The following MICU1 variants were observed in gnomAD, a reference collection of about 807,000 sequenced individuals.
The protein encoded by MICU1 is mitochondrial calcium uptake 1.
In MICU1, 45 loss-of-function variants were observed where a neutral mutation model predicts 56.8. The observed-to-expected ratio is 0.79, with a 90% CI of 0.62 to 1.02. The LOEUF (loss-of-function observed/expected upper bound fraction) is 1.02. MICU1 is among the 50% of genes least tolerant of loss of function. MICU1 has a pLI of 0.00. For missense variants in MICU1, 504 were observed against 587.1 expected, an observed-to-expected ratio of 0.86 and a Z score of 1.46; for synonymous variants, 186 against 195.1, an observed-to-expected ratio of 0.95 and a Z score of 0.39.
intron 6 of MICU1, among the ~76,000 whole-genome samples, chr10:72,484,946 C>T (rs1247136518): frequency 6.6e-6 from 1 of 152,122 alleles, no homozygotes; most frequent in Admixed American, 6.5e-5. Flanking sequence ...AACCTGCTAG[C>T]TAGCTATTTG....
intron 4 of MICU1, among the ~76,000 whole-genome samples, chr10:72,534,038 A>G (rs970725762): frequency 1.3e-5 from 2 of 152,114 alleles, no homozygotes; most frequent in African/African-American, 4.8e-5. Flanking sequence ...AACCTATTCA[A>G]CAGTAGAGTC....
chr10:72,599,430 T>C (rs1355786565), intron 1 of MICU1, among the ~76,000 whole-genome samples: 6 of 152,162 alleles, frequency 3.9e-5, no homozygotes, highest in Non-Finnish European at 7.4e-5. Flanking sequence ...CCCTGAACCA[T>C]GCAACTCCAT....
intron 1 of MICU1, among the ~76,000 whole-genome samples, chr10:72,601,965 AATTTTTGT>A (rs1004675992): frequency 6.6e-6 from 1 of 150,764 alleles, no homozygotes; most frequent in African/African-American, 2.4e-5. Context: ...ATGCCTGGCT[AATTTTTGT>A]ATTTTTGGTA....
At chr10:72,448,734 C>T (rs1031277185) in intron 8 of MICU1, among the ~76,000 whole-genome samples, 1 of 152,028 alleles carries the variant, frequency 6.6e-6, no homozygotes, top group African/African-American at 2.4e-5. Flanking sequence ...CACTGTATCA[C>T]TGTCATTCTC....
chr10:72,545,662 G>A (rs533767865), intron 4 of MICU1, among the ~76,000 whole-genome samples: 4 of 152,154 alleles, frequency 2.6e-5, no homozygotes, highest in African/African-American at 9.6e-5. Context: ...AGGGACAAAA[G>A]ATGGCAAATA....
In MICU1 at chr10:72,471,621, T is replaced by A. The variant is rs527265445; in HGVS notation, c.933+3479A>T. 3.9e-5 allele frequency among the ~76,000 whole-genome samples: 6 copies of A among 152,310 alleles called. No homozygotes were observed. In the East Asian group the frequency reaches 7.7e-4, roughly 20 times the overall value. On this transcript the variant is annotated intron_variant, in intron 8 of 11. Transcript: ENST00000361114. Reference sequence around the variant, plus strand: ...TTTCTTTGTTTGTTTTTGTTTTTGCTAAAAGTATTACCCTAGTTTGTGCTT... The same window carrying A: ...TTTCTTTGTTTGTTTTTGTTTTTGCAAAAAGTATTACCCTAGTTTGTGCTT...
chr10:72,529,514 T>C (rs1265838958), intron 5 of MICU1, among the ~76,000 whole-genome samples: 1 of 152,180 alleles, frequency 6.6e-6, no homozygotes, highest in East Asian at 1.9e-4. Context: ...AACAATTTCA[T>C]CTATACCAAG....
At chr10:72,407,762 G>A (rs1863676008) in intron 10 of MICU1, among the ~76,000 whole-genome samples, 167 bp downstream of exon 10, 1 of 152,046 alleles carries the variant, frequency 6.6e-6, no homozygotes. Context: ...CACTGAACTT[G>A]GCATCTCAGG....
intron 8 of MICU1, among the ~76,000 whole-genome samples, chr10:72,445,518 A>G (rs1589227148): frequency 6.6e-6 from 1 of 152,320 alleles, no homozygotes; most frequent in South Asian, 2.1e-4. Flanking sequence ...CCTTTCATTT[A>G]GTCTTCACTC....
chr10:72,617,996 T>C (rs902568891), intron 1 of MICU1, among the ~76,000 whole-genome samples: 28 of 152,182 alleles, frequency 1.8e-4, no homozygotes, highest in Admixed American at 1.8e-3. Flanking sequence ...TAAAACCCCA[T>C]CTCTACTAAA....
intron 5 of MICU1, chr10:72,531,823 AC>A (rs1259004455): frequency 1.4e-4 from 21 of 152,254 alleles, no homozygotes; most frequent in African/African-American, 4.8e-4. Flanking sequence ...TAACAAAAAA[AC>A]ATGGAAAACT....
intron 1 of MICU1, among the ~76,000 whole-genome samples, chr10:72,569,237 A>ATATATATATATATATTTTTTTTTTTT: frequency 2.9e-5 from 1 of 34,392 alleles, no homozygotes; most frequent in Non-Finnish European, 5.1e-5. Flanking sequence ...ATATATATAT[A>ATATATATATATATATTTTTTTTTTTT]TTTTTTTTTT....
intron 6 of MICU1, among the ~76,000 whole-genome samples, chr10:72,493,196 TAC>T (rs530440558): frequency 1.6e-4 from 24 of 150,826 alleles, no homozygotes; most frequent in African/African-American, 2.7e-4. Context: ...TACATGTGTA[TAC>T]ACACACACAC....
At chr10:72,509,369 T>A in intron 5 of MICU1, 1 of 1,334,616 alleles carries the variant, frequency 7.5e-7, no homozygotes, top group Non-Finnish European at 9.9e-7. Context: ...CACACCAGCA[T>A]CCAGTTACAC....
chr10:72,601,796 CTTTTTCT>C (rs1841543375), intron 1 of MICU1, among the ~76,000 whole-genome samples: 1 of 25,426 alleles, frequency 3.9e-5, no homozygotes, highest in Admixed American at 5.5e-4. Context: ...TTCTTTTTTT[CTTTTTCT>C]TTTTTTTTTT....
intron 4 of MICU1, among the ~76,000 whole-genome samples, chr10:72,545,399 C>T (rs866897931): frequency 4.6e-5 from 7 of 152,106 alleles, no homozygotes; most frequent in African/African-American, 1.2e-4. Context: ...CTTGGTTTTA[C>T]GTATTTTAGG....
chr10:72,584,956 T>C lies in MICU1; in HGVS notation c.-1-18162A>G, dbSNP rs151324065. 1.5e-3 allele frequency among the ~76,000 whole-genome samples: 228 copies of C among 152,122 alleles called. 2 individuals are homozygous for C. Among genetic ancestry groups the C allele is most frequent in the African/African-American group, 5.1e-3 (211 of 41,494 alleles). On this transcript the variant is annotated intron_variant, in intron 1 of 11. Transcript: ENST00000361114. ...CCAAAGGAAATTACAGCCAAGAAAG[T>C]ATTGACTTGCACAAGGAAAAGGTCA...
At chr10:72,383,649 C>G (rs1197807361) in intron 10 of MICU1, among the ~76,000 whole-genome samples, 4 of 152,042 alleles carry the variant, frequency 2.6e-5, no homozygotes, top group African/African-American at 9.7e-5. Flanking sequence ...GTACCTTTTC[C>G]CCTTCTCTTT....
intron 1 of MICU1, among the ~76,000 whole-genome samples, chr10:72,592,015 T>TC (rs1321532204): frequency 7.3e-6 from 1 of 136,878 alleles, no homozygotes; most frequent in African/African-American, 2.7e-5. Flanking sequence ...GGTTTTTTTG[T>TC]TTTTTTTTTT....
Sources: gnomAD v4.1 joint callset for allele counts (sites outside exome capture counted in the v4.1 genomes callset) on GRCh38, gnomAD v4.1.1 for gene constraint, MANE v1.5 for transcripts, NCBI Gene and HGNC (gene_info 2026-07-23, HGNC 2026-07-21) for gene names.